The following PTPRD variants were observed in gnomAD, a reference collection of about 807,000 sequenced individuals.
The protein encoded by PTPRD is receptor-type tyrosine-protein phosphatase delta.
Under a neutral mutation model 214.5 loss-of-function variants are expected in PTPRD, and 34 were observed. The ratio of observed to expected loss-of-function variants is 0.16; its 90% CI spans 0.12 to 0.21. PTPRD has a LOEUF of 0.21. PTPRD is among the 10% of genes least tolerant of loss of function. The pLI is 1.00. For synonymous variants in PTPRD, 1,128 were observed against 845.7 expected, an observed-to-expected ratio of 1.33 and a Z score of -5.79; for missense variants, 2,545 against 2,398.7, an observed-to-expected ratio of 1.06 and a Z score of -1.27.
intron 11 of PTPRD, among the ~76,000 whole-genome samples, chr9:8,971,649 A>G (rs1404728577): frequency 7.9e-5 from 12 of 151,690 alleles, no homozygotes; most frequent in Non-Finnish European, 1.8e-4. Context: ...TAAAATTTGT[A>G]TGGGGAAATC....
At position 9,089,279 on chromosome 9, in the gene PTPRD, T is replaced by C. The variant is rs113509358; in HGVS notation, c.-142-70544A>G. Reference sequence around the variant, plus strand: ...ATGAGCCATAGTCACAAATAATAGGTAAAGAAATAAGTGTGTCCTAATAAT... The same window carrying C: ...ATGAGCCATAGTCACAAATAATAGGCAAAGAAATAAGTGTGTCCTAATAAT... On this transcript the variant is annotated intron_variant, in intron 10 of 45. Coordinates refer to ENST00000381196, the MANE Select transcript of PTPRD (RefSeq NM_002839.4). Among the ~76,000 whole-genome samples the C allele has an allele frequency of 4.2e-3, 644 of 152,250 alleles. 6 individuals are homozygous for C. Among genetic ancestry groups the C allele is most frequent in the African/African-American group, 0.015 (606 of 41,548 alleles).
At chr9:9,714,275 T>C (rs2097782117) in intron 7 of PTPRD, among the ~76,000 whole-genome samples, 1 of 152,120 alleles carries the variant, frequency 6.6e-6, no homozygotes, top group South Asian at 2.1e-4. Flanking sequence ...ATTAGGTTGA[T>C]ATATTTTTGT....
chr9:8,611,444 C>A (rs928451086), intron 14 of PTPRD, among the ~76,000 whole-genome samples: 1 of 152,106 alleles, frequency 6.6e-6, no homozygotes, highest in African/African-American at 2.4e-5. Flanking sequence ...GTGGCTCACA[C>A]CTGTAATCCC....
intron 3 of PTPRD, among the ~76,000 whole-genome samples, chr9:10,076,913 C>A (rs1000735278): frequency 2.0e-5 from 3 of 152,132 alleles, no homozygotes; most frequent in African/African-American, 7.2e-5. Context: ...GTAGATGTTG[C>A]AGCACCAATG....
intron 32 of PTPRD, among the ~76,000 whole-genome samples, chr9:8,460,946 GC>G (rs1201690587): frequency 6.6e-6 from 1 of 152,024 alleles, no homozygotes; most frequent in Non-Finnish European, 1.5e-5. Context: ...GGCGTTAGGT[GC>G]TGTGTGAAAA....
At chr9:10,583,939 T>G (rs1409687243) in intron 2 of PTPRD, among the ~76,000 whole-genome samples, 1 of 152,138 alleles carries the variant, frequency 6.6e-6, no homozygotes, top group Non-Finnish European at 1.5e-5. Context: ...ATGTCTACCT[T>G]TCTTCCCACT....
intron 10 of PTPRD, among the ~76,000 whole-genome samples, chr9:9,164,725 C>A (rs958266575): frequency 6.6e-6 from 1 of 151,962 alleles, no homozygotes; most frequent in East Asian, 1.9e-4. Flanking sequence ...TAAAAAATTT[C>A]TCCAAGGCTA....
At chr9:8,882,875 G>A (rs888924278) in intron 11 of PTPRD, among the ~76,000 whole-genome samples, 9 of 40,674 alleles carry the variant, frequency 2.2e-4, no homozygotes, top group African/African-American at 7.8e-4. Flanking sequence ...ACGGAGCAAG[G>A]CTCTGTCTCA....
intron 11 of PTPRD, among the ~76,000 whole-genome samples, chr9:8,824,752 T>G (rs2097142498): frequency 6.6e-6 from 1 of 152,198 alleles, no homozygotes; most frequent in African/African-American, 2.4e-5. Flanking sequence ...TGGTTTTTTT[T>G]GAGCAGCAGT....
chr9:8,912,620 T>G (rs889547136), intron 11 of PTPRD, among the ~76,000 whole-genome samples: 18 of 152,142 alleles, frequency 1.2e-4, no homozygotes, highest in Non-Finnish European at 2.1e-4. Context: ...TTAGATTGTA[T>G]GGTATGTGAA....
intron 2 of PTPRD, among the ~76,000 whole-genome samples, chr9:10,571,732 G>C (rs566649133): frequency 7.1e-4 from 108 of 152,272 alleles, no homozygotes; most frequent in African/African-American, 2.2e-3. Flanking sequence ...CAGGGGGATG[G>C]ATTCCAGATG....
intron 12 of PTPRD, chr9:8,713,394 C>T: frequency 1.8e-6 from 2 of 1,084,936 alleles, no homozygotes; most frequent in South Asian, 1.3e-5. Context: ...CGCCCCTCTA[C>T]CGCATGCGAA....
chr9:9,340,429 C>T (rs757197090), intron 9 of PTPRD, among the ~76,000 whole-genome samples: 2 of 152,190 alleles, frequency 1.3e-5, no homozygotes, highest in South Asian at 4.1e-4. Context: ...GCTTATTATA[C>T]ATTATGGATA....
At chr9:10,106,901 G>A (rs1591354919) in intron 3 of PTPRD, among the ~76,000 whole-genome samples, 1 of 151,984 alleles carries the variant, frequency 6.6e-6, no homozygotes, top group East Asian at 1.9e-4. Flanking sequence ...CCAAAGTTTG[G>A]AATTGATGCC....
At chr9:10,310,524 T>C (rs577273673) in intron 3 of PTPRD, among the ~76,000 whole-genome samples, 6 of 152,126 alleles carry the variant, frequency 3.9e-5, no homozygotes, top group South Asian at 2.1e-4. Flanking sequence ...ATGAGGAATG[T>C]AATGTTTCTG....
chr9:10,101,583 AG>A (rs1355378487), intron 3 of PTPRD, among the ~76,000 whole-genome samples: 4 of 151,694 alleles, frequency 2.6e-5, no homozygotes, highest in African/African-American at 9.7e-5. Flanking sequence ...CTTCAATGAT[AG>A]AAACAGTTCT....
chr9:10,384,855 ATAAAATTGTTCTTGTTGT>A (rs2097887558), intron 2 of PTPRD, among the ~76,000 whole-genome samples: 1 of 151,786 alleles, frequency 6.6e-6, no homozygotes, highest in Non-Finnish European at 1.5e-5. Flanking sequence ...TTAACGATGT[ATAAAATTGTTCTTGTTGT>A]TTCTTAAACC....
At chr9:9,933,026 T>C (rs1324981801) in intron 5 of PTPRD, among the ~76,000 whole-genome samples, 14 of 151,760 alleles carry the variant, frequency 9.2e-5, no homozygotes, top group Admixed American at 4.6e-4. Flanking sequence ...CAAGCAAATG[T>C]TGAGAGATTT....
intron 11 of PTPRD, among the ~76,000 whole-genome samples, chr9:8,933,363 T>TTTTTTTTTTTTTTTTTC (rs2098967754): frequency 6.8e-6 from 1 of 147,316 alleles, no homozygotes; most frequent in Non-Finnish European, 1.5e-5. Context: ...TTTTTTTTTT[T>TTTTTTTTTTTTTTTTTC]ACATAAAAGG....
Sources: gnomAD v4.1 joint callset for allele counts (sites outside exome capture counted in the v4.1 genomes callset) on GRCh38, gnomAD v4.1.1 for gene constraint, MANE v1.5 for transcripts, NCBI Gene and HGNC (gene_info 2026-07-23, HGNC 2026-07-21) for gene names.